Variants in OR1L8 observed in about 807,000 individuals in gnomAD.
OR1L8 encodes olfactory receptor family 1 subfamily L member 8, also known as olfactory receptor 1L8.
For missense variants in OR1L8, 330 were observed against 377.4 expected, an observed-to-expected ratio of 0.87 and a Z score of 1.04; for synonymous variants, 148 against 147.0, an observed-to-expected ratio of 1.01 and a Z score of -0.05.
At chr9:122,557,663 GTTTTC>G in the OR1L8 span, among the ~76,000 whole-genome samples, 1 of 151,968 alleles carries the variant, frequency 6.6e-6, no homozygotes, top group East Asian at 1.9e-4. Context: ...TTGGTATGTA[GTTTTC>G]TTTTCTTGTA....
At chr9:122,580,950 G>A (rs564266035) in intron 1 of OR1L8, among the ~76,000 whole-genome samples, 130 of 152,296 alleles carry the variant, frequency 8.5e-4, no homozygotes, top group African/African-American at 3.1e-3. Flanking sequence ...TAAGGTCCTA[G>A]AATGAGCAAT....
intron 1 of OR1L8, among the ~76,000 whole-genome samples, chr9:122,582,988 T>C (rs551879555): frequency 1.3e-5 from 2 of 151,714 alleles, no homozygotes; most frequent in African/African-American, 2.4e-5. Flanking sequence ...AGAGAGAGAA[T>C]ATAAAAGAAT....
In OR1L8 at chr9:122,567,479, C is replaced by T; in HGVS notation, c.*69G>A. 8.2e-7 allele frequency: 1 copy of T among 1,218,932 alleles called. No individual in the cohort carries two copies. The highest frequency in any genetic ancestry group is 1.5e-5 in the South Asian group (1 of 68,576). The allele number at this position is 1,218,932 out of a possible 1,614,324, so 75.5% of individuals were successfully genotyped here. The stretch of plus-strand genomic sequence containing the variant: ...AGCTTCCAACAGCTTTGACTGTTCA[C>T]CAGAAACCAGTAGAAAACACGTCCA... On this transcript the variant is annotated 3_prime_UTR_variant, in exon 5 of 5. Coordinates refer to ENST00000641027, the MANE Select transcript of OR1L8 (RefSeq NM_001004454.2).
the OR1L8 span, among the ~76,000 whole-genome samples, chr9:122,550,613 G>A: frequency 6.6e-6 from 1 of 151,524 alleles, no homozygotes; most frequent in Non-Finnish European, 1.5e-5. Flanking sequence ...ATCAATAAAT[G>A]TGATTCACCA....
chr9:122,553,921 G>A, the OR1L8 span: 4 of 1,613,986 alleles, frequency 2.5e-6, no homozygotes, highest in Admixed American at 6.7e-5. Flanking sequence ...CCTGGAGGGA[G>A]ATGGAAGGCC....
intron 4 of OR1L8, among the ~76,000 whole-genome samples, chr9:122,571,764 T>C (rs2118726512): frequency 1.3e-5 from 2 of 151,134 alleles, no homozygotes; most frequent in South Asian, 4.2e-4. Context: ...GTCTTGTGTG[T>C]AGGGTTGTAG....
chr9:122,554,271 A>T, the OR1L8 span: 5 of 764,074 alleles, frequency 6.5e-6, no homozygotes, highest in East Asian at 2.8e-5. Context: ...TTATCCGTTG[A>T]CTCTGAGTTA....
intron 1 of OR1L8, among the ~76,000 whole-genome samples, chr9:122,582,415 G>A (rs1564204982): frequency 6.6e-6 from 1 of 152,036 alleles, no homozygotes; most frequent in African/African-American, 2.4e-5. Context: ...AAATTTATGA[G>A]TTTAAAAAAT....
the OR1L8 span, among the ~76,000 whole-genome samples, chr9:122,554,809 TTG>T: frequency 9.7e-6 from 1 of 102,862 alleles, no homozygotes; most frequent in Non-Finnish European, 2.1e-5. Context: ...CACTCTTCTG[TTG>T]TAGTAAATAG....
intron 4 of OR1L8, among the ~76,000 whole-genome samples, chr9:122,571,395 C>CA (rs1357576603): frequency 6.6e-6 from 1 of 151,796 alleles, no homozygotes; most frequent in African/African-American, 2.4e-5. Context: ...ACTAAAAATA[C>CA]AAAAATTAGC....
chr9:122,574,958 T>C (rs1425187878), intron 3 of OR1L8, among the ~76,000 whole-genome samples: 4 of 152,150 alleles, frequency 2.6e-5, no homozygotes, highest in African/African-American at 4.8e-5. Flanking sequence ...TATGTATTCA[T>C]GTGGCTTTTC....
chr9:122,580,713 T>TATTA (rs148171093), intron 1 of OR1L8, among the ~76,000 whole-genome samples: 4,013 of 152,286 alleles, frequency 0.026, 122 homozygotes, highest in African/African-American at 0.071. Flanking sequence ...TGTTGTATTG[T>TATTA]ATTATGAGGG....
rs1290434022 is a variant in OR1L8, at chr9:122,567,633, G to T, written c.845C>A (p.Ser282Ter). ...GTAGATAAAAGGATTGAGCATGGAT[G>T]ACAAAACTGTGTAAACAATTGTTGC... ...HVATIVYTVL[S>*]SMLNPFIYSL... is the part of the protein sequence containing the mutation. The change falls in exon 5 of 5, where the codon TCA (serine) becomes TAA (stop). Residue 282 changes from serine to a stop codon, truncating the protein, a stop_gained. Transcript: ENST00000641027. LOFTEE classifies it high-confidence loss of function. 6.2e-7 allele frequency: 1 copy of T among 1,613,910 alleles called. No homozygotes were observed. The highest frequency in any genetic ancestry group is 1.3e-5 in the African/African-American group (1 of 74,910).
chr9:122,555,758 A>G, the OR1L8 span, among the ~76,000 whole-genome samples: 4 of 152,286 alleles, frequency 2.6e-5, no homozygotes, highest in African/African-American at 7.2e-5. Context: ...TTTTTGGTTT[A>G]TAGAAAAATT....
chr9:122,581,374 C>CA (rs139568713), intron 1 of OR1L8, among the ~76,000 whole-genome samples: 3 of 149,114 alleles, frequency 2.0e-5, no homozygotes, highest in East Asian at 2.0e-4. Context: ...CAAAACAAAA[C>CA]AAAAAAAAAG....
In OR1L8 at chr9:122,573,594, A is replaced by G. The variant is rs10985706; in HGVS notation, c.-341-686T>C. ...TGGCCCGTTTTTAATTGGGTTGTAT[A>G]TTTTCTTATTGTTGAGTTTTAAGAG... On this transcript the variant is annotated intron_variant, in intron 3 of 4. Coordinates refer to ENST00000641027, the MANE Select transcript of OR1L8 (RefSeq NM_001004454.2). 1.6e-3 allele frequency among the ~76,000 whole-genome samples: 236 copies of G among 151,956 alleles called. 8 individuals are homozygous for G. In the East Asian group the frequency reaches 0.041, roughly 26 times the overall value.
the OR1L8 span, chr9:122,553,629 A>G: frequency 6.2e-7 from 1 of 1,614,148 alleles, no homozygotes; most frequent in Non-Finnish European, 8.5e-7. Flanking sequence ...CACATCTATG[A>G]GTCCCCAGCT....
At chr9:122,574,084 A>G (rs994240268) in intron 3 of OR1L8, among the ~76,000 whole-genome samples, 1 of 152,058 alleles carries the variant, frequency 6.6e-6, no homozygotes, top group South Asian at 2.1e-4. Flanking sequence ...CTATTTGCCT[A>G]TTCTTTTGCC....
the OR1L8 span, among the ~76,000 whole-genome samples, chr9:122,547,020 T>C: frequency 6.6e-6 from 1 of 152,160 alleles, no homozygotes; most frequent in African/African-American, 2.4e-5. Context: ...ATAGTCATCC[T>C]ACAGTGGTAT....
Sources: allele counts gnomAD v4.1 joint callset (sites outside exome capture counted in the v4.1 genomes callset), GRCh38; gene constraint gnomAD v4.1.1; transcripts MANE v1.5; gene names NCBI Gene and HGNC (gene_info 2026-07-23, HGNC 2026-07-21).